AGBL1: variants seen among roughly 807,000 people sequenced by gnomAD.
AGBL1 encodes AGBL carboxypeptidase 1.
Under a neutral mutation model 118.9 loss-of-function variants are expected in AGBL1, and 130 were observed. The ratio of observed to expected loss-of-function variants is 1.09; its 90% CI spans 0.95 to 1.26. The LOEUF (loss-of-function observed/expected upper bound fraction) is 1.26. Among genes scored for constraint, AGBL1 ranks in the 50% most tolerant of loss-of-function variants. The probability of loss-of-function intolerance (pLI) is 0.00; values close to 1 mark genes in which losing one functional copy is unlikely to be tolerated. For synonymous variants in AGBL1, 555 were observed against 478.9 expected (o/e 1.16, Z -2.08); for missense variants, 1,584 against 1,298.1 (o/e 1.22, Z -3.38).
At chr15:87,022,897 G>A (rs145479829) in intron 24 of AGBL1, among the ~76,000 whole-genome samples, 4,364 of 151,978 alleles carry the variant, frequency 0.029, 87 homozygotes, top group Middle Eastern at 0.059. Flanking sequence ...TCTTTTTCAG[G>A]CAAACAAATG....
intron 18 of AGBL1, among the ~76,000 whole-genome samples, chr15:86,513,684 A>AC (rs1484903027): frequency 1.3e-5 from 2 of 152,078 alleles, no homozygotes; most frequent in East Asian, 3.9e-4. Context: ...CTAAATGTAT[A>AC]AATCTACTTC....
intron 21 of AGBL1, 60 bp downstream of exon 21, chr15:86,554,597 G>C: frequency 7.3e-7 from 1 of 1,378,494 alleles, no homozygotes; most frequent in Non-Finnish European, 9.4e-7. Context: ...AGAAATTATA[G>C]ACAGCTCGTA....
intron 5 of AGBL1, among the ~76,000 whole-genome samples, chr15:86,206,271 C>T (rs2077990619): frequency 6.6e-6 from 1 of 152,192 alleles, no homozygotes; most frequent in African/African-American, 2.4e-5. Context: ...TTGCATTAAA[C>T]ATACATGTGC....
At chr15:86,698,122 C>T (rs557847268) in intron 22 of AGBL1, among the ~76,000 whole-genome samples, 3 of 151,966 alleles carry the variant, frequency 2.0e-5, no homozygotes, top group Non-Finnish European at 2.9e-5. Context: ...TTTTTCCTAC[C>T]CCTTCTTTCT....
intron 21 of AGBL1, among the ~76,000 whole-genome samples, chr15:86,605,666 G>A (rs2084564831): frequency 6.6e-6 from 1 of 152,162 alleles, no homozygotes; most frequent in Admixed American, 6.5e-5. Flanking sequence ...GATTTTGCTA[G>A]TCCAATCTCC....
chr15:86,874,450 G>A (rs997529136), intron 22 of AGBL1, among the ~76,000 whole-genome samples: 5 of 151,428 alleles, frequency 3.3e-5, no homozygotes, highest in Non-Finnish European at 7.4e-5. Flanking sequence ...ACTAAATTAT[G>A]TTCGTTTCTC....
intron 17 of AGBL1, among the ~76,000 whole-genome samples, chr15:86,394,827 G>A (rs138313526): frequency 8.7e-4 from 133 of 152,226 alleles, no homozygotes; most frequent in African/African-American, 3.0e-3. Context: ...TAGTTTTCCA[G>A]AAGGACTCAC....
At chr15:86,497,201 G>A (rs1443302376) in intron 18 of AGBL1, among the ~76,000 whole-genome samples, 1 of 151,854 alleles carries the variant, frequency 6.6e-6, no homozygotes, top group Non-Finnish European at 1.5e-5. Context: ...TATAAATTTT[G>A]CATCTCGCTT....
At chr15:86,129,124 C>T (rs2076786465) in intron 1 of AGBL1, among the ~76,000 whole-genome samples, 1 of 152,136 alleles carries the variant, frequency 6.6e-6, no homozygotes, top group Admixed American at 6.5e-5. Context: ...AATAGTCATT[C>T]AAAAATGAAT....
intron 22 of AGBL1, among the ~76,000 whole-genome samples, chr15:86,772,256 C>T (rs1252272876): frequency 6.6e-6 from 1 of 152,020 alleles, no homozygotes. Context: ...TTGATTTAGT[C>T]CTCATTACCC....
chr15:86,543,616 G>A (rs546846056), intron 19 of AGBL1, among the ~76,000 whole-genome samples: 24 of 152,204 alleles, frequency 1.6e-4, no homozygotes, highest in Non-Finnish European at 2.9e-4. Context: ...TTCATGCATG[G>A]CCAAGAAAGA....
intron 6 of AGBL1, among the ~76,000 whole-genome samples, chr15:86,241,794 A>T (rs1034347312): frequency 6.6e-6 from 1 of 152,218 alleles, no homozygotes; most frequent in African/African-American, 2.4e-5. Context: ...TGAGTAACTT[A>T]ACCAAGGTTA....
intron 21 of AGBL1, among the ~76,000 whole-genome samples, chr15:86,637,151 G>A (rs1388615974): frequency 1.3e-5 from 2 of 152,064 alleles, no homozygotes; most frequent in Non-Finnish European, 2.9e-5. Flanking sequence ...TTGTAATCTA[G>A]TGAGGAAGAT....
At chr15:86,211,882 C>G (rs997821730) in intron 5 of AGBL1, among the ~76,000 whole-genome samples, 2 of 152,184 alleles carry the variant, frequency 1.3e-5, no homozygotes, top group African/African-American at 4.8e-5. Context: ...ATGAACCAGG[C>G]ACCTCAGTTG....
At chr15:86,744,669 C>A (rs532024427) in intron 22 of AGBL1, among the ~76,000 whole-genome samples, 52 of 152,222 alleles carry the variant, frequency 3.4e-4, no homozygotes, top group Non-Finnish European at 6.0e-4. Flanking sequence ...TCAGCTCTCC[C>A]TTCCCCGTGT....
intron 22 of AGBL1, among the ~76,000 whole-genome samples, chr15:86,876,823 G>A (rs2079816798): frequency 6.6e-6 from 1 of 152,052 alleles, no homozygotes; most frequent in South Asian, 2.1e-4. Flanking sequence ...GTGTACTTTG[G>A]GCTCCCTAAG....
chr15:86,813,200 G>A (rs1406265045), intron 22 of AGBL1, among the ~76,000 whole-genome samples: 1 of 77,032 alleles, frequency 1.3e-5, no homozygotes, highest in Admixed American at 1.4e-4. Context: ...CACCTTTGAG[G>A]GTTGGGGGGG....
At chr15:86,721,605 A>T (rs1247785286) in intron 22 of AGBL1, among the ~76,000 whole-genome samples, 1 of 151,790 alleles carries the variant, frequency 6.6e-6, no homozygotes, top group African/African-American at 2.4e-5. Context: ...CAAGACAGGG[A>T]TGCCCTCTCT....
chr15:86,081,602 G>T (rs1895291286), intron 1 of AGBL1, among the ~76,000 whole-genome samples: 1 of 152,128 alleles, frequency 6.6e-6, no homozygotes. Context: ...AAAGAAATTT[G>T]CAAAATAAAT....
Sources: allele counts gnomAD v4.1 joint callset (sites outside exome capture counted in the v4.1 genomes callset), GRCh38; gene constraint gnomAD v4.1.1; transcripts MANE v1.5; gene names NCBI Gene and HGNC (gene_info 2026-07-23, HGNC 2026-07-21).